Variants in SYNE2 observed in about 807,000 individuals in gnomAD.
SYNE2 encodes spectrin repeat containing nuclear envelope protein 2.
A neutral mutation model predicts 856.3 loss-of-function variants in SYNE2; 431 were observed. The observed-to-expected ratio is 0.50, with a 90% CI of 0.47 to 0.55. The LOEUF (loss-of-function observed/expected upper bound fraction) is 0.55. Ranked by LOEUF, SYNE2 falls within the 20% of genes least tolerant of loss-of-function variation. The probability of loss-of-function intolerance (pLI) is 0.00; values close to 1 mark genes in which losing one functional copy is unlikely to be tolerated. For missense variants in SYNE2, 8,129 were observed against 8,023.2 expected (o/e 1.01, Z -0.50); for synonymous variants, 2,923 against 2,872.3 (o/e 1.02, Z -0.56).
intron 106 of SYNE2, among the ~76,000 whole-genome samples, chr14:64,214,902 G>T (rs1319838996): frequency 2.6e-5 from 4 of 152,084 alleles, no homozygotes; most frequent in Non-Finnish European, 4.4e-5. Context: ...ACCACACCCA[G>T]CTAGTTTTTA....
At chr14:64,116,467 G>A (rs1314521014) in intron 66 of SYNE2, among the ~76,000 whole-genome samples, 4 of 152,124 alleles carry the variant, frequency 2.6e-5, no homozygotes, top group African/African-American at 9.7e-5. Flanking sequence ...ACCCAGGCTG[G>A]AGTGCAGTGG....
At chr14:63,813,050 A>G (rs527498093) in intron 1 of SYNE2, among the ~76,000 whole-genome samples, 226 of 152,342 alleles carry the variant, frequency 1.5e-3, no homozygotes, top group African/African-American at 5.1e-3. Context: ...ACTCAAATAT[A>G]TAAGTACTGC....
chr14:63,862,760 T>G (rs1432300998), intron 1 of SYNE2, among the ~76,000 whole-genome samples: 4 of 151,940 alleles, frequency 2.6e-5, no homozygotes, highest in African/African-American at 4.8e-5. Flanking sequence ...TGGGGCAGTT[T>G]TTATTAGAAG....
intron 58 of SYNE2, among the ~76,000 whole-genome samples, chr14:64,089,001 CTT>C (rs1414836041): frequency 6.6e-6 from 1 of 152,126 alleles, no homozygotes; most frequent in Non-Finnish European, 1.5e-5. Flanking sequence ...TGTAATTTAA[CTT>C]TTCCTCATAA....
At chr14:63,773,346 C>T (rs1237940874) in intron 1 of SYNE2, among the ~76,000 whole-genome samples, 1 of 151,822 alleles carries the variant, frequency 6.6e-6, no homozygotes, top group East Asian at 1.9e-4. Flanking sequence ...ACCACGGGTG[C>T]ACACGACCAT....
chr14:63,927,713 G>A (rs1595688552), intron 2 of SYNE2, among the ~76,000 whole-genome samples: 1 of 152,066 alleles, frequency 6.6e-6, no homozygotes, highest in African/African-American at 2.4e-5. Flanking sequence ...CCAACATGGT[G>A]AAACCCCGCC....
intron 1 of SYNE2, among the ~76,000 whole-genome samples, chr14:63,875,627 T>C (rs1187165967): frequency 6.6e-6 from 1 of 152,118 alleles, no homozygotes; most frequent in Non-Finnish European, 1.5e-5. Context: ...TAGAAATATG[T>C]TGTTGGAGAC....
At chr14:63,973,139 C>A (rs1194674277) in intron 11 of SYNE2, among the ~76,000 whole-genome samples, 3 of 152,024 alleles carry the variant, frequency 2.0e-5, no homozygotes, top group Non-Finnish European at 4.4e-5. Context: ...ACCTGTAATC[C>A]CAGCTACTCA....
chr14:64,210,157 T>C, intron 103 of SYNE2, 33 bp downstream of exon 103: 1 of 1,609,702 alleles, frequency 6.2e-7, no homozygotes. Context: ...CGGGTGTAGA[T>C]TTTCCAGGAG....
In SYNE2 at chr14:63,991,062, C is replaced by T. The variant is rs1165975231; in HGVS notation, c.2593C>T (p.Gln865Ter). Residue 865 changes from glutamine (Q) to a stop codon, truncating the protein, a stop_gained, in exon 21 of 116, where the codon CAG becomes TAG. Coordinates refer to ENST00000555002, the MANE Select transcript of SYNE2 (RefSeq NM_182914.3). LOFTEE classifies it high-confidence loss of function. ...KELESYMMRA[Q>*]QLLGQRESPG... ...ACTTGAATCATATATGATGAGGGCT[C>T]AGCAGTTACTGGGGCAAAGAGAGAG... The T allele has an allele frequency of 1.2e-6, 2 of 1,614,092 alleles. No homozygotes were observed. The highest frequency in any genetic ancestry group is 1.7e-6 in the Non-Finnish European group (2 of 1,179,994).
chr14:63,821,027 C>T (rs1889192962), intron 1 of SYNE2, among the ~76,000 whole-genome samples: 2 of 151,986 alleles, frequency 1.3e-5, no homozygotes, highest in Admixed American at 1.3e-4. Context: ...CAGGTGTGAG[C>T]CACTGCACCC....
At chr14:64,043,802 A>G (rs993286012) in intron 45 of SYNE2, among the ~76,000 whole-genome samples, 3 of 152,164 alleles carry the variant, frequency 2.0e-5, no homozygotes, top group Admixed American at 2.0e-4. Flanking sequence ...CTCACAGAGA[A>G]CCTCTGCTAA....
intron 112 of SYNE2, among the ~76,000 whole-genome samples, chr14:64,222,659 G>C (rs991277671): frequency 1.3e-5 from 2 of 152,184 alleles, no homozygotes; most frequent in Non-Finnish European, 2.9e-5. Flanking sequence ...CCAGGAGGCG[G>C]AGGTTGCAGT....
rs112671817 is a variant in SYNE2, at chr14:63,885,523, A to G, written c.-51-23575A>G. Among the ~76,000 whole-genome samples the G allele has an allele frequency of 5.6e-3, 850 of 152,112 alleles. 5 individuals are homozygous for G. Among genetic ancestry groups the G allele is most frequent in the African/African-American group, 0.019 (779 of 41,504 alleles). ...TTTCCTATGTTTTTTCCAATTTTCT[A>G]TTGTTTACAGAAGAACATTAATTCT... On this transcript the variant is annotated intron_variant, in intron 1 of 115. Coordinates refer to ENST00000555002, the MANE Select transcript of SYNE2 (RefSeq NM_182914.3).
In SYNE2 at chr14:64,138,085, G is replaced by T. The variant is rs1049016009; in HGVS notation, c.14843+102G>T. The T allele has an allele frequency of 2.9e-6, 4 of 1,365,382 alleles. No homozygotes were observed. The African/African-American group carries it at 5.8e-5, about 20-fold the overall frequency. The allele number at this position is 1,365,382 out of a possible 1,614,324, so 84.6% of individuals were successfully genotyped here. ...TTTTACCTGCAACCCACCTTATGCT[G>T]TTTTTTCTTGGGCAGTCTAAAGCAG... On this transcript the variant is annotated intron_variant, in intron 79 of 115. Transcript: ENST00000555002.
intron 63 of SYNE2, 131 bp downstream of exon 63, chr14:64,098,952 G>A: frequency 2.2e-6 from 2 of 899,156 alleles, no homozygotes; most frequent in South Asian, 1.4e-5. Flanking sequence ...AAGTATGATT[G>A]AAGTAGTTCT....
chr14:63,939,526 T>G (rs552503581), intron 2 of SYNE2, among the ~76,000 whole-genome samples: 1 of 152,088 alleles, frequency 6.6e-6, no homozygotes, highest in Non-Finnish European at 1.5e-5. Context: ...TTTCACATTT[T>G]TAGTAGAAAT....
Position 63,979,016 on chromosome 14 carries a change from T to C in SYNE2, c.1569+2T>C. 1 of 1,613,512 alleles carries C rather than the reference T, an allele frequency of 6.2e-7. No homozygotes were observed. The highest frequency in any genetic ancestry group is 8.5e-7 in the Non-Finnish European group (1 of 1,179,668). On this transcript the variant is annotated splice_donor_variant, in intron 14 of 115. Transcript: ENST00000555002. LOFTEE classifies it high-confidence loss of function. ...GAATTATTGCTGGAAGACTGGCATG[T>C]AAGCTTTTCAATTTTGTGTCTTAGG...
At chr14:64,192,693 G>C (rs1447927788) in intron 99 of SYNE2, among the ~76,000 whole-genome samples, 5 of 152,076 alleles carry the variant, frequency 3.3e-5, no homozygotes, top group Admixed American at 6.5e-5. Flanking sequence ...TACATACCAA[G>C]AAGGAAACTG....
Sources: gnomAD v4.1 joint callset for allele counts (sites outside exome capture counted in the v4.1 genomes callset) on GRCh38, gnomAD v4.1.1 for gene constraint, MANE v1.5 for transcripts, NCBI Gene and HGNC (gene_info 2026-07-23, HGNC 2026-07-21) for gene names.